ADAMTS2: variants seen among roughly 807,000 people sequenced by gnomAD.
ADAMTS2 encodes A disintegrin and metalloproteinase with thrombospondin motifs 2.
A neutral mutation model predicts 123.0 loss-of-function variants in ADAMTS2; 50 were observed. The ratio of observed to expected loss-of-function variants is 0.41; its 90% CI spans 0.32 to 0.51. The LOEUF (loss-of-function observed/expected upper bound fraction) is 0.51, where lower values mean the gene tolerates loss of function less well. ADAMTS2 is among the 20% of genes least tolerant of loss of function. The pLI, the probability that ADAMTS2 is intolerant of heterozygous loss-of-function variation, is 0.35. For synonymous variants in ADAMTS2, 678 were observed against 695.4 expected (o/e 0.98, Z 0.39); for missense variants, 1,494 against 1,705.2 (o/e 0.88, Z 2.18).
chr5:179,291,906 T>TA (rs71577036), intron 2 of ADAMTS2, among the ~76,000 whole-genome samples: 20 of 147,136 alleles, frequency 1.4e-4, no homozygotes, highest in African/African-American at 4.7e-4. Context: ...CTAGCTAATT[T>TA]AAAAAAAAAA....
rs73333274 is a variant in ADAMTS2 at position 179,310,439 on chromosome 5, G to A, written c.534+33328C>T. 7.2e-3 allele frequency among the ~76,000 whole-genome samples: 1,101 copies of A among 152,312 alleles called. 18 individuals carry two copies. The highest frequency in any genetic ancestry group is 0.023 in the African/African-American group (968 of 41,566). On this transcript the variant is annotated intron_variant, in intron 2 of 21. Coordinates refer to ENST00000251582, the MANE Select transcript of ADAMTS2 (RefSeq NM_014244.5). ...CTTGCAGGGTACAGTATGGCCTAGA[G>A]AGCCCCAGAGGGCTCCCCTGGTCAT... is the stretch of plus-strand genomic sequence containing the variant.
In ADAMTS2 at chr5:179,273,071, G is replaced by A. The variant is rs372454455; in HGVS notation, c.535-7C>T. 1.9e-6 allele frequency: 3 copies of A among 1,613,542 alleles called. No homozygotes were observed. The highest frequency in any genetic ancestry group is 2.5e-6 in the Non-Finnish European group (3 of 1,180,032). On this transcript the variant is annotated splice_polypyrimidine_tract_variant and splice_region_variant and intron_variant, in intron 2 of 21. Coordinates refer to ENST00000251582, the MANE Select transcript of ADAMTS2 (RefSeq NM_014244.5). The stretch of plus-strand genomic sequence containing the variant: ...CCATCCGGATCAGACCAGCCTGCGG[G>A]ACAAAGACAACAGGATCAGATTTCC...
intron 2 of ADAMTS2, among the ~76,000 whole-genome samples, chr5:179,297,561 C>T (rs1256980311): frequency 6.6e-6 from 1 of 152,074 alleles, no homozygotes; most frequent in Non-Finnish European, 1.5e-5. Flanking sequence ...TACGCTGAGG[C>T]CCCATGTCTC....
rs1465978595 is a variant in ADAMTS2, at chr5:179,332,119, G to C, written c.534+11648C>G. On this transcript the variant is annotated intron_variant, in intron 2 of 21. Coordinates refer to ENST00000251582, the MANE Select transcript of ADAMTS2 (RefSeq NM_014244.5). This position sits in a 1 kb window ranked among gnomAD's most constrained non-coding sequence, Gnocchi z 4.2. ...TGACCTTGGAATCAGACAGACATGT[G>C]TTCATTAATAGAACAGATCACAGAA... is the stretch of plus-strand genomic sequence containing the variant. Among the ~76,000 whole-genome samples the C allele has an allele frequency of 6.6e-6, 1 of 152,226 alleles. No individual in the cohort carries two copies. The highest frequency in any genetic ancestry group is 6.5e-5 in the Admixed American group (1 of 15,290).
intron 5 of ADAMTS2, among the ~76,000 whole-genome samples, chr5:179,159,111 C>T (rs1335421018): frequency 6.6e-6 from 1 of 152,210 alleles, no homozygotes; most frequent in Non-Finnish European, 1.5e-5. Flanking sequence ...ACAAAGTCAC[C>T]GCAGTTTTCA....
intron 2 of ADAMTS2, among the ~76,000 whole-genome samples, chr5:179,311,675 T>C (rs1756835904): frequency 2.0e-5 from 3 of 152,198 alleles, no homozygotes; most frequent in Non-Finnish European, 2.9e-5. Flanking sequence ...CCAGCCTGTC[T>C]TCAGCTAGAA....
intron 2 of ADAMTS2, among the ~76,000 whole-genome samples, chr5:179,333,966 T>A (rs1329477501): frequency 6.6e-6 from 1 of 152,038 alleles, no homozygotes; most frequent in Non-Finnish European, 1.5e-5. Flanking sequence ...GGATAACAGA[T>A]AACAGTGGGA....
intron 3 of ADAMTS2, among the ~76,000 whole-genome samples, chr5:179,211,276 A>G (rs1440667749): frequency 2.0e-5 from 3 of 152,114 alleles, no homozygotes; most frequent in Admixed American, 6.5e-5. Context: ...TGATCAGCGC[A>G]CCCATCTCCT....
rs544524476 is a variant in ADAMTS2 at position 179,115,724 on chromosome 5, C to T, written c.3179-1400G>A. On this transcript the variant is annotated intron_variant, in intron 21 of 21. Coordinates refer to ENST00000251582, the MANE Select transcript of ADAMTS2 (RefSeq NM_014244.5). The surrounding 1 kb of genome is among the most constrained non-coding windows in gnomAD (Gnocchi z 4.4). Reference sequence around the variant, plus strand: ...GGAGGGAGAAAGGGAGGGAGAAAGGCTCAGGCATTGGATGGGAGCCACATC... The same window carrying T: ...GGAGGGAGAAAGGGAGGGAGAAAGGTTCAGGCATTGGATGGGAGCCACATC... Among the ~76,000 whole-genome samples the T allele has an allele frequency of 2.0e-5, 3 of 150,984 alleles. No individual in the cohort carries two copies. Among genetic ancestry groups the T allele is most frequent in the African/African-American group, 7.4e-5 (3 of 40,384 alleles).
chr5:179,303,363 C>T lies in ADAMTS2; in HGVS notation c.535-30299G>A, dbSNP rs1756583896. ...GCATCCCCCACTGCCTGCAGCCACC[C>T]AAATGCACTGGATTCATGAGCAGCT... is the stretch of plus-strand genomic sequence containing the variant. On this transcript the variant is annotated intron_variant, in intron 2 of 21. Transcript: ENST00000251582. This position sits in a 1 kb window ranked among gnomAD's most constrained non-coding sequence, Gnocchi z 4.7. Among the ~76,000 whole-genome samples, 1 of 152,146 alleles carries T rather than the reference C, an allele frequency of 6.6e-6. No homozygotes were observed. Among genetic ancestry groups the T allele is most frequent in the Non-Finnish European group, 1.5e-5 (1 of 68,024 alleles).
intron 3 of ADAMTS2, among the ~76,000 whole-genome samples, chr5:179,237,334 A>T (rs1412931421): frequency 6.6e-6 from 1 of 152,186 alleles, no homozygotes; most frequent in Non-Finnish European, 1.5e-5. Context: ...GCCCCTTGCA[A>T]TGCATGAAGA....
At chr5:179,291,186 AGTGCGG>A (rs1009716941) in intron 2 of ADAMTS2, among the ~76,000 whole-genome samples, 27 of 152,186 alleles carry the variant, frequency 1.8e-4, no homozygotes, top group African/African-American at 6.3e-4. Flanking sequence ...AGACAGAATG[AGTGCGG>A]GGCTCTGGGA....
intron 12 of ADAMTS2, among the ~76,000 whole-genome samples, chr5:179,136,969 CAA>C (rs530319277): frequency 7.1e-6 from 1 of 139,960 alleles, no homozygotes; most frequent in Admixed American, 7.1e-5. Flanking sequence ...GACTCCGTCT[CAA>C]AAAAAAAAAA....
intron 2 of ADAMTS2, among the ~76,000 whole-genome samples, chr5:179,273,580 A>G (rs899591866): frequency 1.3e-5 from 2 of 152,112 alleles, no homozygotes; most frequent in African/African-American, 4.8e-5. Context: ...TAACACTCAG[A>G]ATGATGAGAT....
chr5:179,136,813 G>A (rs1763074193), intron 12 of ADAMTS2, among the ~76,000 whole-genome samples: 2 of 150,358 alleles, frequency 1.3e-5, no homozygotes, highest in African/African-American at 4.9e-5. Flanking sequence ...TACAAAAAAT[G>A]CAAAAATTTA....
At chr5:179,163,453 A>G (rs1334347832) in intron 5 of ADAMTS2, among the ~76,000 whole-genome samples, 2 of 152,186 alleles carry the variant, frequency 1.3e-5, no homozygotes, top group African/African-American at 2.4e-5. Context: ...TCTCAGGTCA[A>G]TCGTGAAATC....
chr5:179,200,496 G>T (rs575136714), intron 4 of ADAMTS2, among the ~76,000 whole-genome samples: 2 of 152,192 alleles, frequency 1.3e-5, no homozygotes, highest in Admixed American at 6.5e-5. Flanking sequence ...TGATCCGCCC[G>T]CCTTGGCCTC....
intron 17 of ADAMTS2, among the ~76,000 whole-genome samples, 172 bp from the exon 18 acceptor site, chr5:179,126,302 G>A (rs1392637839): frequency 7.2e-5 from 11 of 152,338 alleles, no homozygotes; most frequent in African/African-American, 2.6e-4. Context: ...AGGCCTTGGT[G>A]TGTCCCGGGT....
At chr5:179,224,012 A>G (rs960766871) in intron 3 of ADAMTS2, among the ~76,000 whole-genome samples, 1 of 152,242 alleles carries the variant, frequency 6.6e-6, no homozygotes, top group African/African-American at 2.4e-5. Context: ...AGTTATCCTT[A>G]TGCTACTTCT....
Sources: allele counts gnomAD v4.1 joint callset (sites outside exome capture counted in the v4.1 genomes callset), GRCh38; gene constraint gnomAD v4.1.1; non-coding constraint Gnocchi (gnomAD v3.1); transcripts MANE v1.5; gene names NCBI Gene and HGNC (gene_info 2026-07-23, HGNC 2026-07-21).